The following CHD6 variants were observed in gnomAD, a reference collection of about 807,000 sequenced individuals.
The protein encoded by CHD6 is ATP-dependent chromatin remodeler CHD6.
Under a neutral mutation model 276.9 loss-of-function variants are expected in CHD6, and 50 were observed. The ratio of observed to expected loss-of-function variants is 0.18; its 90% CI spans 0.14 to 0.23. CHD6 has a LOEUF of 0.23. Among genes scored for constraint, CHD6 ranks in the 10% least tolerant of loss-of-function variants. The probability of loss-of-function intolerance (pLI) is 1.00; values close to 1 mark genes in which losing one functional copy is unlikely to be tolerated. For missense variants in CHD6, 2,564 were observed against 3,365.8 expected (o/e 0.76, Z 5.89); for synonymous variants, 1,173 against 1,229.3 (o/e 0.95, Z 0.96).
intron 36 of CHD6, among the ~76,000 whole-genome samples, chr20:41,409,806 T>C (rs1352625389): frequency 6.6e-6 from 1 of 152,186 alleles, no homozygotes; most frequent in East Asian, 1.9e-4. Flanking sequence ...TGCTGAAGTA[T>C]TTAGGGGTGA....
At chr20:41,541,791 C>T (rs1484665512) in intron 2 of CHD6, among the ~76,000 whole-genome samples, 1 of 152,158 alleles carries the variant, frequency 6.6e-6, no homozygotes, top group Non-Finnish European at 1.5e-5. Context: ...TTTTCAAAAC[C>T]TTTCCACCCC....
intron 27 of CHD6, among the ~76,000 whole-genome samples, chr20:41,432,363 A>G (rs756220809): frequency 8.5e-5 from 13 of 152,110 alleles, no homozygotes; most frequent in Non-Finnish European, 1.9e-4. Context: ...TACTTTTTCC[A>G]GGTGGTAATA....
At chr20:41,543,357 A>G (rs2044982981) in intron 2 of CHD6, among the ~76,000 whole-genome samples, 1 of 152,168 alleles carries the variant, frequency 6.6e-6, no homozygotes. Flanking sequence ...ATCACTTCAC[A>G]CTGTCTCGTG....
intron 3 of CHD6, among the ~76,000 whole-genome samples, chr20:41,516,468 C>A (rs1457836582): frequency 1.3e-5 from 2 of 152,176 alleles, no homozygotes; most frequent in Non-Finnish European, 2.9e-5. Flanking sequence ...GCCACCACAC[C>A]TGGCCAGCAG....
intron 16 of CHD6, among the ~76,000 whole-genome samples, chr20:41,480,772 G>A (rs763639202): frequency 6.6e-6 from 1 of 152,180 alleles, no homozygotes; most frequent in African/African-American, 2.4e-5. Context: ...GAAACTGGGG[G>A]AAGGTAGAGA....
At chr20:41,543,625 A>T (rs571780211) in intron 2 of CHD6, among the ~76,000 whole-genome samples, 1 of 152,370 alleles carries the variant, frequency 6.6e-6, no homozygotes, top group South Asian at 2.1e-4. Context: ...GACATATATT[A>T]AATAAATGAT....
intron 7 of CHD6, 81 bp downstream of exon 7, chr20:41,498,087 T>C: frequency 2.1e-6 from 2 of 962,244 alleles, no homozygotes; most frequent in Non-Finnish European, 3.3e-6. Flanking sequence ...TCTGAAGATG[T>C]AGAAGATAAT....
chr20:41,466,375 G>T (rs1415510913), intron 17 of CHD6, among the ~76,000 whole-genome samples: 2 of 152,096 alleles, frequency 1.3e-5, no homozygotes, highest in Non-Finnish European at 2.9e-5. Context: ...CCAGGGTATA[G>T]CAGGATATAG....
intron 1 of CHD6, among the ~76,000 whole-genome samples, chr20:41,555,277 CAGA>C (rs2045212045): frequency 7.7e-5 from 11 of 143,208 alleles, no homozygotes; most frequent in South Asian, 2.2e-4. Flanking sequence ...GCTGGCCGGG[CAGA>C]GGGGCTCCTC....
intron 1 of CHD6, among the ~76,000 whole-genome samples, chr20:41,565,340 C>T (rs1601147784): frequency 6.6e-6 from 1 of 152,092 alleles, no homozygotes; most frequent in East Asian, 1.9e-4. Flanking sequence ...ATGATCCACC[C>T]GCCTCGGCCT....
intron 25 of CHD6, among the ~76,000 whole-genome samples, chr20:41,443,497 T>G (rs955906413): frequency 2.0e-5 from 3 of 152,226 alleles, no homozygotes; most frequent in Non-Finnish European, 4.4e-5. Flanking sequence ...CTATCATCAT[T>G]GTGTAATGAC....
chr20:41,532,910 C>G (rs895147725), intron 3 of CHD6, 140 bp downstream of exon 3: 1 of 936,438 alleles, frequency 1.1e-6, no homozygotes, highest in Non-Finnish European at 1.5e-6. Context: ...CCCCTGCTCC[C>G]CATCCTATAC....
intron 20 of CHD6, among the ~76,000 whole-genome samples, chr20:41,454,005 G>C (rs886592088): frequency 5.9e-5 from 9 of 152,080 alleles, no homozygotes; most frequent in African/African-American, 2.2e-4. Flanking sequence ...GATGAAGGAC[G>C]GGAAATCAAC....
In CHD6 at chr20:41,452,457, G is replaced by A. The variant is rs936072768; in HGVS notation, c.3323+283C>T. On this transcript the variant is annotated intron_variant, in intron 21 of 36. Transcript: ENST00000373233. The surrounding 1 kb of genome is among the most constrained non-coding windows in gnomAD (Gnocchi z 4.2). ...GACTCCTTGTATATCCTTGCGGGGTGGGAGGAAGCAGGAAATCAGTACCAG... is the reference window on the plus strand; with the variant it reads ...GACTCCTTGTATATCCTTGCGGGGTAGGAGGAAGCAGGAAATCAGTACCAG... 2.0e-5 allele frequency among the ~76,000 whole-genome samples: 3 copies of A among 152,178 alleles called. No homozygotes were observed. The highest frequency in any genetic ancestry group is 4.4e-5 in the Non-Finnish European group (3 of 68,032).
chr20:41,579,311 G>A (rs1365802469), intron 1 of CHD6, among the ~76,000 whole-genome samples: 1 of 150,998 alleles, frequency 6.6e-6, no homozygotes, highest in Non-Finnish European at 1.5e-5. Context: ...GGTGGCTCAC[G>A]CCTGTAATCC....
chr20:41,414,669 C>T (rs1356466642), intron 34 of CHD6: 2 of 243,762 alleles, frequency 8.2e-6, no homozygotes, highest in East Asian at 7.0e-5. Context: ...GCATGATCTC[C>T]GTAAATCTTC....
At chr20:41,498,502 T>C (rs2043740803) in intron 6 of CHD6, among the ~76,000 whole-genome samples, 1 of 151,984 alleles carries the variant, frequency 6.6e-6, no homozygotes, top group African/African-American at 2.4e-5. Flanking sequence ...CCCAGGACAA[T>C]GAGAAATGTC....
chr20:41,422,859 G>A (rs1299271144), intron 30 of CHD6, among the ~76,000 whole-genome samples: 1 of 152,206 alleles, frequency 6.6e-6, no homozygotes, highest in Non-Finnish European at 1.5e-5. Flanking sequence ...GCAAAGGCTG[G>A]TATGTCTTGT....
In CHD6 at chr20:41,456,058, TCAG is replaced by T. The variant is rs2048368801; in HGVS notation, c.2830-82_2830-80del. 23 of 1,347,936 alleles carry T rather than the reference TCAG, an allele frequency of 1.7e-5. No individual in the cohort carries two copies. The South Asian group carries it at 3.7e-4, about 22-fold the overall frequency. 83.5% of individuals were successfully genotyped at this position (1,347,936 alleles called of 1,614,324 possible). On this transcript the variant is annotated intron_variant, in intron 18 of 36. Transcript: ENST00000373233. The stretch of plus-strand genomic sequence containing the variant: ...CAGCCTCAAATCTGGTTTTTGTGAT[TCAG>T]TGCATAGTTCCTCCATGAACTACAT...
Sources: allele counts gnomAD v4.1 joint callset (sites outside exome capture counted in the v4.1 genomes callset), GRCh38; gene constraint gnomAD v4.1.1; non-coding constraint Gnocchi (gnomAD v3.1); transcripts MANE v1.5; gene names NCBI Gene and HGNC (gene_info 2026-07-23, HGNC 2026-07-21).